Variants in PDE4B observed in about 807,000 individuals in gnomAD.
The protein encoded by PDE4B is phosphodiesterase 4B, also known as 3',5'-cyclic-AMP phosphodiesterase 4B.
Under a neutral mutation model 82.2 loss-of-function variants are expected in PDE4B, and 20 were observed. The ratio of observed to expected loss-of-function variants is 0.24; its 90% CI spans 0.17 to 0.35. The LOEUF (loss-of-function observed/expected upper bound fraction) is 0.35. Among genes scored for constraint, PDE4B ranks in the 10% least tolerant of loss-of-function variants. The pLI is 1.00. For synonymous variants in PDE4B, 320 were observed against 318.9 expected (o/e 1.00, Z -0.04); for missense variants, 655 against 907.2 (o/e 0.72, Z 3.57).
intron 3 of PDE4B, among the ~76,000 whole-genome samples, chr1:66,144,128 G>T (rs1646225293): frequency 6.6e-6 from 1 of 152,212 alleles, no homozygotes; most frequent in Admixed American, 6.5e-5. Context: ...CAAGCCCTAA[G>T]AATTGCAAGG....
intron 1 of PDE4B, among the ~76,000 whole-genome samples, chr1:65,794,368 C>A (rs1432968888): frequency 2.0e-5 from 3 of 152,138 alleles, no homozygotes; most frequent in African/African-American, 7.2e-5. Context: ...GATCATACTC[C>A]CCCTCCGTTT....
chr1:65,863,608 A>G (rs900310067), intron 1 of PDE4B, among the ~76,000 whole-genome samples: 1 of 152,180 alleles, frequency 6.6e-6, no homozygotes, highest in African/African-American at 2.4e-5. Context: ...GTGGGGTGTT[A>G]AAGTCTCCCA....
intron 1 of PDE4B, among the ~76,000 whole-genome samples, chr1:65,830,236 T>C (rs772472673): frequency 2.0e-4 from 31 of 152,238 alleles, no homozygotes; most frequent in South Asian, 6.2e-4. Flanking sequence ...TACATTGATA[T>C]AAACAAATGA....
At chr1:66,229,157 A>G (rs943864367) in intron 3 of PDE4B, among the ~76,000 whole-genome samples, 1 of 141,268 alleles carries the variant, frequency 7.1e-6, no homozygotes, top group African/African-American at 2.7e-5. Context: ...ACAGGCGCCC[A>G]CCACCATGCC....
intron 7 of PDE4B, among the ~76,000 whole-genome samples, chr1:66,307,971 T>C (rs954896646): frequency 6.6e-6 from 1 of 152,166 alleles, no homozygotes; most frequent in Non-Finnish European, 1.5e-5. Context: ...ACACATTATT[T>C]TTTTATCCTT....
chr1:66,195,068 T>C (rs866619407), intron 3 of PDE4B, among the ~76,000 whole-genome samples: 5 of 151,198 alleles, frequency 3.3e-5, no homozygotes, highest in Middle Eastern at 3.4e-3. Context: ...ATTCATTTGT[T>C]GCAAATCTAC....
At chr1:66,297,694 C>G (rs913179593) in intron 7 of PDE4B, among the ~76,000 whole-genome samples, 1 of 152,100 alleles carries the variant, frequency 6.6e-6, no homozygotes, top group Non-Finnish European at 1.5e-5. Context: ...TTACTCCATT[C>G]ATAAGGACTC....
At chr1:65,977,723 T>C (rs1650483015) in intron 3 of PDE4B, among the ~76,000 whole-genome samples, 2 of 152,236 alleles carry the variant, frequency 1.3e-5, no homozygotes, top group South Asian at 4.1e-4. Context: ...TGTTATCCTA[T>C]ACAGCATACC....
At chr1:66,131,592 G>GATATATAT (rs71058452) in intron 3 of PDE4B, among the ~76,000 whole-genome samples, 1,817 of 32,728 alleles carry the variant, frequency 0.056, 490 homozygotes, top group Non-Finnish European at 0.088. Context: ...CTGAATGCCA[G>GATATATAT]ATATATATAT....
intron 3 of PDE4B, among the ~76,000 whole-genome samples, chr1:65,968,083 T>C (rs1465855616): frequency 6.6e-6 from 1 of 152,090 alleles, no homozygotes; most frequent in Admixed American, 6.6e-5. Context: ...AGGTCTCTAA[T>C]CTGTGTTGCT....
intron 3 of PDE4B, among the ~76,000 whole-genome samples, chr1:66,234,553 T>C (rs188992590): frequency 3.5e-4 from 53 of 152,338 alleles, no homozygotes; most frequent in Admixed American, 3.5e-3. Flanking sequence ...CCTTCCAAAG[T>C]GCTGGGATTA....
intron 3 of PDE4B, among the ~76,000 whole-genome samples, chr1:66,146,326 G>A (rs1192646392): frequency 2.6e-5 from 4 of 152,002 alleles, no homozygotes; most frequent in Admixed American, 6.6e-5. Flanking sequence ...TGGGACTACA[G>A]GCGCCGGCCA....
At chr1:66,275,183 A>G (rs935143207) in intron 7 of PDE4B, among the ~76,000 whole-genome samples, 2 of 152,224 alleles carry the variant, frequency 1.3e-5, no homozygotes, top group African/African-American at 4.8e-5. Flanking sequence ...AGTTAACTGA[A>G]AGCCCTGTCT....
At chr1:65,795,122 T>C (rs1474180362) in intron 1 of PDE4B, among the ~76,000 whole-genome samples, 1 of 152,224 alleles carries the variant, frequency 6.6e-6, no homozygotes, top group Non-Finnish European at 1.5e-5. Flanking sequence ...TAATAGTTAC[T>C]GTGTATGTAC....
intron 3 of PDE4B, among the ~76,000 whole-genome samples, chr1:66,003,781 CT>C (rs1336650805): frequency 6.6e-6 from 1 of 152,160 alleles, no homozygotes; most frequent in East Asian, 1.9e-4. Context: ...ACTATGGGAT[CT>C]AAGTCTTTCT....
intron 3 of PDE4B, among the ~76,000 whole-genome samples, chr1:66,106,538 G>A (rs1033527922): frequency 1.3e-5 from 2 of 150,078 alleles, no homozygotes; most frequent in Non-Finnish European, 3.0e-5. Flanking sequence ...TGTACCTCTG[G>A]TAGAATTCGG....
At chr1:66,371,867 A>G (rs1218994275) in intron 16 of PDE4B, among the ~76,000 whole-genome samples, 1 of 152,202 alleles carries the variant, frequency 6.6e-6, no homozygotes, top group Admixed American at 6.5e-5. Context: ...ACAGAATCCA[A>G]GTAGTGGCAA....
rs373502757 is a variant in PDE4B, at chr1:65,875,515, G to A, written c.-70-37730G>A. Among the ~76,000 whole-genome samples the A allele has an allele frequency of 1.3e-3, 185 of 143,538 alleles. 6 individuals are homozygous for A. Among genetic ancestry groups the A allele is most frequent in the Admixed American group, 0.012 (171 of 14,106 alleles). 94.2% of individuals were successfully genotyped at this position (143,538 alleles called of 152,430 possible). A position where few individuals can be genotyped will look rare whatever the true frequency, so the allele number is the denominator to read the frequency against. On this transcript the variant is annotated intron_variant, in intron 1 of 16. Transcript: ENST00000341517. ...ACACATGCACACATATGTTTATTGC[G>A]GCATTATTCACAATAGCAAAGACTT... is the stretch of plus-strand genomic sequence containing the variant.
chr1:65,928,089 G>A (rs1647608465), intron 3 of PDE4B, among the ~76,000 whole-genome samples: 1 of 152,158 alleles, frequency 6.6e-6, no homozygotes, highest in African/African-American at 2.4e-5. Context: ...TCCCCAGTGG[G>A]CAGGTACCCT....
Sources: allele counts gnomAD v4.1 joint callset (sites outside exome capture counted in the v4.1 genomes callset), GRCh38; gene constraint gnomAD v4.1.1; transcripts MANE v1.5; gene names NCBI Gene and HGNC (gene_info 2026-07-23, HGNC 2026-07-21).